TRPC6: variants seen among roughly 807,000 people sequenced by gnomAD.
The protein encoded by TRPC6 is short transient receptor potential channel 6.
Under a neutral mutation model 90.7 loss-of-function variants are expected in TRPC6, and 55 were observed. The ratio of observed to expected loss-of-function variants is 0.61; its 90% CI spans 0.49 to 0.76. The LOEUF (loss-of-function observed/expected upper bound fraction) is 0.76, where lower values mean the gene tolerates loss of function less well. Among genes scored for constraint, TRPC6 ranks in the 30% least tolerant of loss-of-function variants. TRPC6 has a pLI of 0.00. For synonymous variants in TRPC6, 393 were observed against 393.0 expected (o/e 1.00, Z 0.00); for missense variants, 989 against 1,122.7 (o/e 0.88, Z 1.70).
Position 101,548,280 on chromosome 11 carries a change from A to ATATATATATATATAATT in TRPC6, c.170+35053_170+35054insAATTATATATATATATA, listed in dbSNP as rs71303295. 8.9e-3 allele frequency among the ~76,000 whole-genome samples: 1,202 copies of ATATATATATATATAATT among 135,154 alleles called. 37 individuals carry two copies. The highest frequency in any genetic ancestry group is 0.014 in the Non-Finnish European group (876 of 61,646). 88.7% of individuals were successfully genotyped at this position (135,154 alleles called of 152,430 possible). A position where few individuals can be genotyped will look rare whatever the true frequency, so the allele number is the denominator to read the frequency against. On this transcript the variant is annotated intron_variant, in intron 1 of 12. Transcript: ENST00000344327. ...ATATATACATATATATATAATTTATATATATAATTATATATAATTGAAATA... is the reference window on the plus strand; with the variant it reads ...ATATATACATATATATATAATTTATATATATATATATATAATTTATATAATTATATATAATTGAAATA...
intron 1 of TRPC6, among the ~76,000 whole-genome samples, chr11:101,537,275 GA>G (rs1335053652): frequency 6.6e-6 from 1 of 152,050 alleles, no homozygotes; most frequent in Non-Finnish European, 1.5e-5. Context: ...CACAAGGGAT[GA>G]TAGAATATTC....
chr11:101,578,955 T>C (rs1862131178), intron 1 of TRPC6, among the ~76,000 whole-genome samples: 1 of 152,160 alleles, frequency 6.6e-6, no homozygotes, highest in African/African-American at 2.4e-5. Flanking sequence ...GCAATTTAAA[T>C]GATATGTTTA....
chr11:101,531,790 T>C (rs559179005), intron 1 of TRPC6, among the ~76,000 whole-genome samples: 2 of 152,342 alleles, frequency 1.3e-5, no homozygotes, highest in East Asian at 3.9e-4. Context: ...TTTTTGTATC[T>C]TCTATAACCA....
intron 9 of TRPC6, 33 bp downstream of exon 9, chr11:101,471,150 A>G: frequency 6.2e-7 from 1 of 1,609,086 alleles, no homozygotes; most frequent in Non-Finnish European, 8.5e-7. Flanking sequence ...ACAAAATTTA[A>G]GAATACAATG....
At chr11:101,580,649 A>T (rs72976340) in intron 1 of TRPC6, among the ~76,000 whole-genome samples, 13,368 of 152,130 alleles carry the variant, frequency 0.088, 881 homozygotes, top group East Asian at 0.31. Flanking sequence ...TATGTAAAAA[A>T]TTTTTCTAAA....
In TRPC6 at chr11:101,508,524, C is replaced by T. The variant is rs190818311; in HGVS notation, c.171-3726G>A. Among the ~76,000 whole-genome samples the T allele has an allele frequency of 4.5e-3, 680 of 152,208 alleles. 9 individuals are homozygous for T. The highest frequency in any genetic ancestry group is 0.019 in the South Asian group (91 of 4,822). On this transcript the variant is annotated intron_variant, in intron 1 of 12. Coordinates refer to ENST00000344327, the MANE Select transcript of TRPC6 (RefSeq NM_004621.6). ...TCCTACTGAAATTCTTAACCCTCTT[C>T]CCTTCTCTCTGTCACTTTTCTGGCT... is the stretch of plus-strand genomic sequence containing the variant.
In TRPC6 at chr11:101,582,682, G is replaced by C. The variant is rs114492490; in HGVS notation, c.170+652C>G. ...GAGTCTCCCAGCCCCTAACAGGCTC[G>C]TCTCCCCAGACGCCCCGGGTGAAAA... On this transcript the variant is annotated intron_variant, in intron 1 of 12. Coordinates refer to ENST00000344327, the MANE Select transcript of TRPC6 (RefSeq NM_004621.6). 3.7e-3 allele frequency among the ~76,000 whole-genome samples: 569 copies of C among 152,116 alleles called. 2 individuals carry two copies. Among genetic ancestry groups the C allele is most frequent in the African/African-American group, 0.013 (541 of 41,518 alleles).
chr11:101,561,976 A>C (rs1861724964), intron 1 of TRPC6, among the ~76,000 whole-genome samples: 1 of 152,082 alleles, frequency 6.6e-6, no homozygotes, highest in Admixed American at 6.6e-5. Flanking sequence ...CTGATTACTA[A>C]CAAATTGCCT....
intron 1 of TRPC6, among the ~76,000 whole-genome samples, chr11:101,555,270 C>A (rs1378406629): frequency 1.3e-5 from 2 of 152,202 alleles, no homozygotes; most frequent in African/African-American, 4.8e-5. Flanking sequence ...TACGAGGACT[C>A]CACATTATTT....
intron 1 of TRPC6, among the ~76,000 whole-genome samples, chr11:101,531,969 C>A (rs989021657): frequency 6.6e-6 from 1 of 152,132 alleles, no homozygotes; most frequent in African/African-American, 2.4e-5. Flanking sequence ...GTCGGCTCAG[C>A]AGTTTCCAGG....
chr11:101,492,942 C>T (rs528176125), intron 2 of TRPC6, among the ~76,000 whole-genome samples: 1 of 152,298 alleles, frequency 6.6e-6, no homozygotes, highest in African/African-American at 2.4e-5. Flanking sequence ...TAATGAAACA[C>T]TGTTGTAGTT....
intron 2 of TRPC6, among the ~76,000 whole-genome samples, chr11:101,492,902 G>A (rs1410490135): frequency 6.6e-6 from 1 of 152,196 alleles, no homozygotes; most frequent in Non-Finnish European, 1.5e-5. Context: ...TCTGCAATTT[G>A]AGACTCTTCT....
chr11:101,482,894 T>C, intron 5 of TRPC6, 55 bp downstream of exon 5: 1 of 1,539,302 alleles, frequency 6.5e-7, no homozygotes, highest in African/African-American at 1.4e-5. Context: ...TCAGTGTCAT[T>C]CAGTCCAACT....
chr11:101,467,886 CCTTTCTAGAGTGAAATGA>C (rs1366512446), intron 10 of TRPC6, among the ~76,000 whole-genome samples: 1 of 152,184 alleles, frequency 6.6e-6, no homozygotes, highest in Non-Finnish European at 1.5e-5. Context: ...ACTGAACTAT[CCTTTCTAGAGTGAAATGA>C]CTTTGTAGCT....
intron 5 of TRPC6, among the ~76,000 whole-genome samples, chr11:101,478,883 A>G (rs1485250878): frequency 6.6e-6 from 1 of 152,174 alleles, no homozygotes; most frequent in Non-Finnish European, 1.5e-5. Flanking sequence ...TTTACAAAAA[A>G]CAACCAAAAA....
At chr11:101,522,258 T>C (rs1405655886) in intron 1 of TRPC6, among the ~76,000 whole-genome samples, 4 of 152,220 alleles carry the variant, frequency 2.6e-5, no homozygotes, top group Non-Finnish European at 4.4e-5. Flanking sequence ...ATTCTCATGA[T>C]AGTGAGTGAG....
At chr11:101,504,002 G>A in intron 2 of TRPC6, 22 bp downstream of exon 2, 1 of 1,613,910 alleles carries the variant, frequency 6.2e-7, no homozygotes, top group Admixed American at 1.7e-5. Context: ...GGAGGGTGAA[G>A]TCTCTATTGT....
chr11:101,488,785 C>A, intron 4 of TRPC6, 152 bp downstream of exon 4: 1 of 846,250 alleles, frequency 1.2e-6, no homozygotes, highest in Non-Finnish European at 1.8e-6. Context: ...ATTATTTAAA[C>A]CCAAACAGGA....
intron 1 of TRPC6, among the ~76,000 whole-genome samples, chr11:101,569,720 C>T (rs1427840321): frequency 1.3e-5 from 2 of 152,152 alleles, no homozygotes; most frequent in African/African-American, 4.8e-5. Context: ...GAAACTCACT[C>T]AAAACCACAC....
Sources: allele counts gnomAD v4.1 joint callset (sites outside exome capture counted in the v4.1 genomes callset), GRCh38; gene constraint gnomAD v4.1.1; transcripts MANE v1.5; gene names NCBI Gene and HGNC (gene_info 2026-07-23, HGNC 2026-07-21).